Variants in ANKS1B observed in about 807,000 individuals in gnomAD.
The protein encoded by ANKS1B is ankyrin repeat and sterile alpha motif domain containing 1B.
In ANKS1B, 36 loss-of-function variants were observed where a neutral mutation model predicts 148.3. That is an observed-to-expected ratio of 0.24 (90% CI 0.19 to 0.32). The LOEUF is 0.32. ANKS1B is among the 10% of genes least tolerant of loss of function. ANKS1B has a pLI of 1.00. For missense variants in ANKS1B, 1,157 were observed against 1,542.6 expected (o/e 0.75, Z 4.19); for synonymous variants, 542 against 560.8 (o/e 0.97, Z 0.47).
At chr12:99,666,250 C>G (rs1277305042) in intron 8 of ANKS1B, among the ~76,000 whole-genome samples, 1 of 152,136 alleles carries the variant, frequency 6.6e-6, no homozygotes, top group Non-Finnish European at 1.5e-5. Flanking sequence ...ATTTGTTCTT[C>G]TTTGAAATTA....
chr12:98,828,178 G>A (rs2099265980), intron 19 of ANKS1B, among the ~76,000 whole-genome samples: 1 of 152,156 alleles, frequency 6.6e-6, no homozygotes. Flanking sequence ...AGAAGACACA[G>A]TATCCCAGGC....
chr12:98,795,185 C>G (rs1430204918), intron 22 of ANKS1B, among the ~76,000 whole-genome samples: 1 of 152,088 alleles, frequency 6.6e-6, no homozygotes, highest in Non-Finnish European at 1.5e-5. Flanking sequence ...ATAAAATATT[C>G]TTTGCAGTAA....
At chr12:98,980,424 T>G (rs2099907924) in intron 17 of ANKS1B, among the ~76,000 whole-genome samples, 2 of 152,246 alleles carry the variant, frequency 1.3e-5, no homozygotes, top group Non-Finnish European at 2.9e-5. Flanking sequence ...GCCAGGATGG[T>G]CTAGATCTCC....
chr12:99,693,545 C>A (rs1273801626), intron 8 of ANKS1B, among the ~76,000 whole-genome samples: 2 of 152,094 alleles, frequency 1.3e-5, no homozygotes, highest in Non-Finnish European at 2.9e-5. Flanking sequence ...CATTGGTATC[C>A]AGCATACTAT....
At chr12:99,435,806 C>G (rs969629488) in intron 11 of ANKS1B, among the ~76,000 whole-genome samples, 1 of 151,900 alleles carries the variant, frequency 6.6e-6, no homozygotes, top group African/African-American at 2.4e-5. Flanking sequence ...TCCAAGAACA[C>G]CAGGTTAAAA....
chr12:99,021,858 C>T (rs540163580), intron 17 of ANKS1B, among the ~76,000 whole-genome samples: 30 of 152,212 alleles, frequency 2.0e-4, no homozygotes, highest in East Asian at 3.9e-4. Flanking sequence ...CTAAATAGTA[C>T]GAAATAATCT....
At chr12:99,137,635 G>A (rs1460135004) in intron 15 of ANKS1B, among the ~76,000 whole-genome samples, 1 of 152,008 alleles carries the variant, frequency 6.6e-6, no homozygotes, top group African/African-American at 2.4e-5. Context: ...AACCTCCTTG[G>A]TTTTATGTAT....
At chr12:99,606,416 T>C (rs193126108) in intron 9 of ANKS1B, among the ~76,000 whole-genome samples, 214 of 152,092 alleles carry the variant, frequency 1.4e-3, no homozygotes, top group African/African-American at 4.6e-3. Flanking sequence ...TTATAACTTT[T>C]AGTAACTTAA....
In ANKS1B at chr12:98,930,511, G is replaced by A. The variant is rs562763500; in HGVS notation, c.2779-98375C>T. ...GTTTCTAGCAGCATTATTAAAAATA[G>A]CCCCAAAGTCTAAACAATTCAAATG... On this transcript the variant is annotated intron_variant, in intron 17 of 26. Transcript: ENST00000683438. Among the ~76,000 whole-genome samples, 3 of 152,168 alleles carry A rather than the reference G, an allele frequency of 2.0e-5. No individual in the cohort carries two copies. The East Asian group carries it at 5.8e-4, about 29-fold the overall frequency.
chr12:99,756,463 T>C (rs560926228), intron 8 of ANKS1B, among the ~76,000 whole-genome samples: 1 of 152,198 alleles, frequency 6.6e-6, no homozygotes, highest in African/African-American at 2.4e-5. Context: ...TCCATGCTAA[T>C]GGATAGGAAG....
At chr12:99,960,544 A>C (rs1326925114) in intron 1 of ANKS1B, among the ~76,000 whole-genome samples, 2 of 152,164 alleles carry the variant, frequency 1.3e-5, no homozygotes, top group African/African-American at 4.8e-5. Flanking sequence ...ACTATAAAGG[A>C]AGGAAATCAG....
intron 9 of ANKS1B, among the ~76,000 whole-genome samples, chr12:99,607,785 C>A (rs2097861990): frequency 6.6e-6 from 1 of 151,992 alleles, no homozygotes. Context: ...AGATAAATAT[C>A]AAGTTCTAGA....
At chr12:99,145,489 C>T (rs1316896466) in intron 15 of ANKS1B, among the ~76,000 whole-genome samples, 2 of 151,932 alleles carry the variant, frequency 1.3e-5, no homozygotes, top group South Asian at 2.1e-4. Flanking sequence ...GATTAGCAAT[C>T]GCGAGGACAT....
At chr12:99,111,193 T>TC (rs2060213990) in intron 15 of ANKS1B, among the ~76,000 whole-genome samples, 1 of 152,210 alleles carries the variant, frequency 6.6e-6, no homozygotes, top group African/African-American at 2.4e-5. Flanking sequence ...GAATGCTCCT[T>TC]CTGCCTCCAC....
At chr12:98,888,808 C>G (rs1203422030) in intron 17 of ANKS1B, among the ~76,000 whole-genome samples, 1 of 152,204 alleles carries the variant, frequency 6.6e-6, no homozygotes, top group Non-Finnish European at 1.5e-5. Flanking sequence ...TGCTGGATGG[C>G]CTTCATGGCC....
At chr12:99,375,258 G>A (rs2093344400) in intron 12 of ANKS1B, among the ~76,000 whole-genome samples, 3 of 152,166 alleles carry the variant, frequency 2.0e-5, no homozygotes, top group Admixed American at 6.5e-5. Context: ...ATCCCTAGAT[G>A]CCAGTAGCAA....
chr12:99,813,882 C>T (rs895392128), intron 2 of ANKS1B, among the ~76,000 whole-genome samples: 8 of 151,558 alleles, frequency 5.3e-5, no homozygotes, highest in Admixed American at 4.0e-4. Flanking sequence ...GCTGTGATTC[C>T]GGAGAAATGA....
At chr12:99,297,898 TA>T (rs1469708474) in intron 12 of ANKS1B, among the ~76,000 whole-genome samples, 1 of 152,048 alleles carries the variant, frequency 6.6e-6, no homozygotes, top group African/African-American at 2.4e-5. Context: ...CCCTGTGGCT[TA>T]GATACCTTTT....
intron 4 of ANKS1B, among the ~76,000 whole-genome samples, chr12:99,784,148 C>T (rs1004626162): frequency 5.9e-5 from 9 of 151,348 alleles, no homozygotes; most frequent in Middle Eastern, 3.4e-3. Flanking sequence ...ATACCCTATG[C>T]TCCAGGCATA....
Sources: gnomAD v4.1 joint callset for allele counts (sites outside exome capture counted in the v4.1 genomes callset) on GRCh38, gnomAD v4.1.1 for gene constraint, MANE v1.5 for transcripts, NCBI Gene and HGNC (gene_info 2026-07-23, HGNC 2026-07-21) for gene names.